Variants in PRKN observed in about 807,000 individuals in gnomAD.
PRKN encodes E3 ubiquitin-protein ligase parkin.
In PRKN, 56 loss-of-function variants were observed where a neutral mutation model predicts 59.5. The observed-to-expected ratio is 0.94, with a 90% CI of 0.76 to 1.18. The LOEUF (loss-of-function observed/expected upper bound fraction) is 1.18, where lower values mean the gene tolerates loss of function less well. Ranked by LOEUF, PRKN falls within the 50% of genes most tolerant of loss-of-function variation. The pLI, the probability that PRKN is intolerant of heterozygous loss-of-function variation, is 0.00. For missense variants in PRKN, 657 were observed against 596.4 expected, an observed-to-expected ratio of 1.10 and a Z score of -1.06; for synonymous variants, 250 against 222.1, an observed-to-expected ratio of 1.13 and a Z score of -1.12.
chr6:162,010,518 ATT>A (rs1562455771), intron 5 of PRKN, among the ~76,000 whole-genome samples: 5 of 19,618 alleles, frequency 2.5e-4, no homozygotes, highest in African/African-American at 1.6e-3. Context: ...TATATTATAT[ATT>A]ATATAATATA....
chr6:162,431,952 T>G (rs1789552240), intron 2 of PRKN, among the ~76,000 whole-genome samples: 1 of 152,176 alleles, frequency 6.6e-6, no homozygotes, highest in Admixed American at 6.6e-5. Context: ...AATAGTATGG[T>G]TTTAATAAAC....
chr6:161,646,480 C>T (rs147506052), intron 7 of PRKN, among the ~76,000 whole-genome samples: 2,016 of 114,792 alleles, frequency 0.018, 234 homozygotes, highest in African/African-American at 0.06. Context: ...GTGGTGACTG[C>T]GTGTGCATGC....
intron 2 of PRKN, among the ~76,000 whole-genome samples, chr6:162,368,258 G>A (rs756899991): frequency 1.1e-4 from 17 of 152,074 alleles, no homozygotes; most frequent in Non-Finnish European, 1.6e-4. Flanking sequence ...AGAGAGTGAG[G>A]GGTCAAAACC....
intron 5 of PRKN, among the ~76,000 whole-genome samples, chr6:161,988,277 A>C (rs1781509275): frequency 1.3e-5 from 2 of 152,164 alleles, no homozygotes; most frequent in Admixed American, 1.3e-4. Flanking sequence ...ACCTGAGATC[A>C]GGAATTTGAG....
intron 6 of PRKN, among the ~76,000 whole-genome samples, chr6:161,867,740 C>CATTTATTT (rs58083987): frequency 0.096 from 13,137 of 137,458 alleles, 732 homozygotes; most frequent in African/African-American, 0.11. Context: ...AAAAATCTTT[C>CATTTATTT]ATTTATTTAT....
At chr6:161,633,997 A>ACACAC (rs1783414066) in intron 7 of PRKN, among the ~76,000 whole-genome samples, 7 of 142,020 alleles carry the variant, frequency 4.9e-5, no homozygotes, top group African/African-American at 1.9e-4. Context: ...GGAAAACTTA[A>ACACAC]ACACACACAC....
At chr6:162,577,037 C>T (rs931995467) in intron 1 of PRKN, among the ~76,000 whole-genome samples, 2 of 152,078 alleles carry the variant, frequency 1.3e-5, no homozygotes, top group Non-Finnish European at 2.9e-5. Flanking sequence ...ATTTGACGAA[C>T]TAAATCTTTA....
intron 4 of PRKN, among the ~76,000 whole-genome samples, chr6:162,193,516 A>G (rs1409111757): frequency 1.3e-5 from 2 of 152,074 alleles, no homozygotes; most frequent in Non-Finnish European, 2.9e-5. Flanking sequence ...TCTCTTAACT[A>G]TGCCTCTGCT....
At chr6:162,250,397 A>C (rs1203714500) in intron 3 of PRKN, among the ~76,000 whole-genome samples, 2 of 152,150 alleles carry the variant, frequency 1.3e-5, no homozygotes, top group Non-Finnish European at 2.9e-5. Flanking sequence ...CAATGGTTTA[A>C]TATCCTCCCA....
rs1221861949 is a variant in PRKN, at chr6:161,357,559, T to A, written c.1285+2529A>T. 6.6e-6 allele frequency among the ~76,000 whole-genome samples: 1 copy of A among 152,220 alleles called. No individual in the cohort carries two copies. Among genetic ancestry groups the A allele is most frequent in the Non-Finnish European group, 1.5e-5 (1 of 68,032 alleles). ...GAGACCTGGCTGATTTTTACTAATTTTCTAAGGTTATACGTCACACATGTT... is the reference window on the plus strand; with the variant it reads ...GAGACCTGGCTGATTTTTACTAATTATCTAAGGTTATACGTCACACATGTT... On this transcript the variant is annotated intron_variant, in intron 11 of 11. Transcript: ENST00000366898. The surrounding 1 kb of genome is among the most constrained non-coding windows in gnomAD (Gnocchi z 5.5).
chr6:162,484,251 A>G (rs1286176400), intron 1 of PRKN, among the ~76,000 whole-genome samples: 5 of 152,184 alleles, frequency 3.3e-5, no homozygotes, highest in African/African-American at 4.8e-5. Flanking sequence ...ACTCTATTTT[A>G]ATGAAGATGA....
intron 5 of PRKN, among the ~76,000 whole-genome samples, chr6:161,975,085 CTTTTTTTTTTTTT>C (rs769121865): frequency 1.6e-5 from 2 of 124,470 alleles, no homozygotes; most frequent in Non-Finnish European, 3.3e-5. Context: ...ACATATACTT[CTTTTTTTTTTTTT>C]TTTTTTTTTG....
chr6:161,428,799 T>G lies in PRKN; in HGVS notation c.1084-41922A>C, dbSNP rs4296877. ...TGTCATATATGGGCAAGCATTCATG[T>G]ATTTCAAGTCATGTTTTTGCAGGCA... On this transcript the variant is annotated intron_variant, in intron 9 of 11. Transcript: ENST00000366898. The surrounding 1 kb of genome is among the most constrained non-coding windows in gnomAD (Gnocchi z 4.0). Among the ~76,000 whole-genome samples, 116,378 of 152,166 alleles carry G rather than the reference T, an allele frequency of 0.76. 44,651 individuals are homozygous for G. Among genetic ancestry groups the G allele is most frequent in the East Asian group, 0.88 (4,545 of 5,162 alleles).
chr6:161,929,360 G>C (rs1779083348), intron 6 of PRKN, among the ~76,000 whole-genome samples: 1 of 152,084 alleles, frequency 6.6e-6, no homozygotes, highest in Non-Finnish European at 1.5e-5. Flanking sequence ...GGAAGACAGG[G>C]AAATGGACTA....
intron 3 of PRKN, among the ~76,000 whole-genome samples, chr6:162,227,172 T>G (rs1274156665): frequency 6.6e-6 from 1 of 152,210 alleles, no homozygotes; most frequent in African/African-American, 2.4e-5. Flanking sequence ...CTTTACGTAG[T>G]TGGTATGATT....
Position 161,669,037 on chromosome 6 carries a change from G to C in PRKN, c.872-99621C>G, listed in dbSNP as rs189551170. 2.0e-5 allele frequency among the ~76,000 whole-genome samples: 3 copies of C among 152,316 alleles called. No individual in the cohort carries two copies. In the East Asian group the frequency reaches 5.8e-4, roughly 29 times the overall value. ...CCTTTGGGAGATGATTAGGCCACGA[G>C]GGTGGAGTGTGGAGCCCTCATCAAT... On this transcript the variant is annotated intron_variant, in intron 7 of 11. Coordinates refer to ENST00000366898, the MANE Select transcript of PRKN (RefSeq NM_004562.3).
At chr6:161,573,252 G>T (rs1422956449) in intron 7 of PRKN, among the ~76,000 whole-genome samples, 1 of 90,304 alleles carries the variant, frequency 1.1e-5, no homozygotes, top group African/African-American at 5.2e-5. Flanking sequence ...TTTAGTGTCA[G>T]TAAAATGACA....
At chr6:162,550,551 G>A (rs569394375) in intron 1 of PRKN, among the ~76,000 whole-genome samples, 2 of 152,300 alleles carry the variant, frequency 1.3e-5, no homozygotes, top group African/African-American at 2.4e-5. Context: ...TCTCCTAGGG[G>A]TATGTAAGTC....
intron 2 of PRKN, among the ~76,000 whole-genome samples, chr6:162,345,594 G>A (rs143459345): frequency 1.3e-5 from 2 of 152,230 alleles, no homozygotes; most frequent in African/African-American, 4.8e-5. Flanking sequence ...TTATTCCAAG[G>A]TTCAGCATAT....
Sources: allele counts gnomAD v4.1 joint callset (sites outside exome capture counted in the v4.1 genomes callset), GRCh38; gene constraint gnomAD v4.1.1; non-coding constraint Gnocchi (gnomAD v3.1); transcripts MANE v1.5; gene names NCBI Gene and HGNC (gene_info 2026-07-23, HGNC 2026-07-21).